Variants in PAX6 observed in about 807,000 individuals in gnomAD.
The protein encoded by PAX6 is paired box 6.
In PAX6, 7 loss-of-function variants were observed where a neutral mutation model predicts 60.7. That is an observed-to-expected ratio of 0.12 (90% CI 0.07 to 0.22). The LOEUF (loss-of-function observed/expected upper bound fraction) is 0.22, where lower values mean the gene tolerates loss of function less well. Among genes scored for constraint, PAX6 ranks in the 10% least tolerant of loss-of-function variants. PAX6 has a pLI of 1.00. For synonymous variants in PAX6, 208 were observed against 201.2 expected (o/e 1.03, Z -0.29); for missense variants, 355 against 555.2 (o/e 0.64, Z 3.62).
At position 31,789,034 on chromosome 11, in the gene PAX6, T is replaced by A. The variant is rs1948984741; in HGVS notation, c.*900A>T. The A allele has an allele frequency of 5.0e-6, 1 of 201,348 alleles. No individual in the cohort carries two copies. The highest frequency in any genetic ancestry group is 1.9e-4 in the South Asian group (1 of 5,284). 12.5% of individuals were successfully genotyped at this position (201,348 alleles called of 1,614,324 possible). On this transcript the variant is annotated 3_prime_UTR_variant, in exon 14 of 14. Coordinates refer to ENST00000640368, the MANE Select transcript of PAX6 (RefSeq NM_001368894.2). ...ACTTCAAAACACTTAAGTTTAAAAC[T>A]CTTGCAAGCACTTTTAATTGATTAG...
intron 13 of PAX6, 98 bp from the exon 14 acceptor site, chr11:31,790,117 A>AAAAAAAT: frequency 1.3e-6 from 1 of 779,982 alleles, no homozygotes; most frequent in African/African-American, 1.8e-5. Flanking sequence ...AAAAAAAAAA[A>AAAAAAAT]AAACTAATAC....
upstream of PAX6, among the ~76,000 whole-genome samples, chr11:31,815,771 C>CAA (rs5790868): frequency 0.014 from 1,921 of 137,700 alleles, 20 homozygotes; most frequent in South Asian, 0.027. Context: ...GCGCTATCTC[C>CAA]AAAAAAAAAA....
chr11:31,794,344 A>G (rs1327948672), intron 9 of PAX6: 2 of 624,954 alleles, frequency 3.2e-6, no homozygotes, highest in Admixed American at 5.5e-5. Context: ...TAGCCAAATC[A>G]TCATTTTTCC....
intron 7 of PAX6, chr11:31,801,335 C>T: frequency 2.1e-6 from 3 of 1,444,850 alleles, no homozygotes; most frequent in Non-Finnish European, 2.7e-6. Context: ...CTCTGTTTTG[C>T]AGCATGCAAA....
upstream of PAX6, chr11:31,812,297 T>A (rs1272751028): frequency 1.6e-5 from 2 of 127,054 alleles, no homozygotes; most frequent in East Asian, 5.1e-4. Context: ...ATTCTCTCTC[T>A]CTCTCTGTGT....
chr11:31,807,241 A>T (rs1165691394), intron 2 of PAX6: 1 of 152,466 alleles, frequency 6.6e-6, no homozygotes. Context: ...TGGAGTAAGG[A>T]GTAGAGGCCA....
At chr11:31,809,296 T>G (rs1467152388) in intron 2 of PAX6, 1 of 152,252 alleles carries the variant, frequency 6.6e-6, no homozygotes, top group Non-Finnish European at 1.5e-5. Flanking sequence ...TTCTCTTCAG[T>G]AAACTCGCCA....
chr11:31,805,564 C>A (rs1205686590), intron 4 of PAX6: 1 of 152,720 alleles, frequency 6.5e-6, no homozygotes, highest in African/African-American at 2.4e-5. Flanking sequence ...TAACCTCAAA[C>A]CGGGCCTGGT....
intron 1 of PAX6, among the ~76,000 whole-genome samples, chr11:31,817,337 A>C (rs949764304): frequency 2.0e-5 from 3 of 152,226 alleles, no homozygotes; most frequent in Non-Finnish European, 4.4e-5. Context: ...ACCGCGGGAA[A>C]CTTCTGCTGC....
At chr11:31,790,161 C>A in intron 13 of PAX6, 142 bp from the exon 14 acceptor site, 2 of 658,524 alleles carry the variant, frequency 3.0e-6, no homozygotes, top group Non-Finnish European at 2.6e-6. Context: ...AAAATCACTT[C>A]AATTGTTACA....
In PAX6 at chr11:31,793,495, G is replaced by C; in HGVS notation, c.1017C>G (p.Thr339=). Residue 339 remains threonine, a synonymous_variant, in exon 12 of 14, where the codon ACC becomes ACG. Coordinates refer to ENST00000640368, the MANE Select transcript of PAX6 (RefSeq NM_001368894.2). The part of the protein sequence containing the change: ...LGRTDTALTN[T]YSALPPMPSF... Reference sequence around the variant, plus strand: ...TGGGCATAGGCGGCAGAGCGCTGTAGGTGTTTGTGAGGGCTGTGTCTGTTC... The same window carrying C: ...TGGGCATAGGCGGCAGAGCGCTGTACGTGTTTGTGAGGGCTGTGTCTGTTC... 1 of 1,614,244 alleles carries C rather than the reference G, an allele frequency of 6.2e-7. No homozygotes were observed. Among genetic ancestry groups the C allele is most frequent in the Non-Finnish European group, 8.5e-7 (1 of 1,180,050 alleles).
At chr11:31,790,943 C>T in intron 12 of PAX6, 83 bp from the exon 13 acceptor site, 1 of 1,439,116 alleles carries the variant, frequency 6.9e-7, no homozygotes, top group Non-Finnish European at 9.6e-7. Flanking sequence ...CCGAGGAACT[C>T]TGCCAACAAG....
upstream of PAX6, among the ~76,000 whole-genome samples, chr11:31,815,205 T>A (rs1262233718): frequency 1.3e-5 from 2 of 152,170 alleles, no homozygotes; most frequent in African/African-American, 4.8e-5. Context: ...ACTCCTGACA[T>A]GTAGGACAAC....
At chr11:31,802,578 T>G (rs893377869) in intron 5 of PAX6, 126 bp downstream of exon 5, 2 of 824,786 alleles carry the variant, frequency 2.4e-6, no homozygotes, top group Non-Finnish European at 3.3e-6. Flanking sequence ...GTGGGGGGAC[T>G]GGGGACTGGG....
At chr11:31,810,115 T>G (rs1302041182) in intron 2 of PAX6, 2 of 152,344 alleles carry the variant, frequency 1.3e-5, no homozygotes. Context: ...TCCACCGCCT[T>G]GGCCTGGTGG....
At chr11:31,817,048 T>A (rs1957415057) in intron 1 of PAX6, among the ~76,000 whole-genome samples, 1 of 152,222 alleles carries the variant, frequency 6.6e-6, no homozygotes, top group Admixed American at 6.5e-5. Context: ...CGCAGGGTGG[T>A]GGGCGCTTCT....
chr11:31,789,533 A>T lies in PAX6; in HGVS notation c.*401T>A, dbSNP rs1262902249. The T allele has an allele frequency of 6.7e-6, 4 of 598,852 alleles. No homozygotes were observed. The highest frequency in any genetic ancestry group is 1.2e-5 in the Non-Finnish European group (4 of 341,458). 37.1% of individuals were successfully genotyped at this position (598,852 alleles called of 1,614,324 possible). A position where few individuals can be genotyped will look rare whatever the true frequency, so the allele number is the denominator to read the frequency against. ...GAAGTATTCGATATATCTTGATAAA[A>T]CTCTTAAATTCGTGGCAAAGCTTGT... On this transcript the variant is annotated 3_prime_UTR_variant, in exon 14 of 14. Transcript: ENST00000640368.
At chr11:31,811,409 C>G (rs1271697345), upstream of PAX6, 7 of 397,262 alleles carry the variant, frequency 1.8e-5, no homozygotes, top group Non-Finnish European at 3.1e-5. Context: ...GCTCCCTCTC[C>G]CCGCCTGGTG....
upstream of PAX6, chr11:31,815,075 A>G (rs927739587): frequency 6.7e-6 from 1 of 149,354 alleles, no homozygotes; most frequent in African/African-American, 2.5e-5. Context: ...TACCTTTAAA[A>G]TAACATTGTC....
Sources: gnomAD v4.1 joint callset for allele counts (sites outside exome capture counted in the v4.1 genomes callset) on GRCh38, gnomAD v4.1.1 for gene constraint, MANE v1.5 for transcripts, NCBI Gene and HGNC (gene_info 2026-07-23, HGNC 2026-07-21) for gene names.